SMC4: variants seen among roughly 807,000 people sequenced by gnomAD.
SMC4 encodes the protein structural maintenance of chromosomes 4.
Under a neutral mutation model 145.6 loss-of-function variants are expected in SMC4, and 87 were observed. The observed-to-expected ratio is 0.60, with a 90% CI of 0.50 to 0.71. The LOEUF (loss-of-function observed/expected upper bound fraction) is 0.71, where lower values mean the gene tolerates loss of function less well. Among genes scored for constraint, SMC4 ranks in the 30% least tolerant of loss-of-function variants. The probability of loss-of-function intolerance (pLI) is 0.00; values close to 1 mark genes in which losing one functional copy is unlikely to be tolerated. For synonymous variants in SMC4, 558 were observed against 500.7 expected, an observed-to-expected ratio of 1.11 and a Z score of -1.53; for missense variants, 1,447 against 1,537.1, an observed-to-expected ratio of 0.94 and a Z score of 0.98.
At position 160,401,912 on chromosome 3, in the gene SMC4, T is replaced by TA. The variant is rs1445032762; in HGVS notation, c.140-2dup. ...TCGTTTTCCTTTCCTTTCACTGACT[T>TA]AGAGACTGCAAGTGAGGAACTTGAT... On this transcript the variant is annotated splice_polypyrimidine_tract_variant and splice_region_variant and intron_variant, in intron 2 of 23. Transcript: ENST00000357388. 1.3e-6 allele frequency: 2 copies of TA among 1,599,536 alleles called. No homozygotes were observed. Among genetic ancestry groups the TA allele is most frequent in the Non-Finnish European group, 8.5e-7 (1 of 1,174,486 alleles).
At chr3:160,415,216 C>T (rs1280909161) in intron 9 of SMC4, among the ~76,000 whole-genome samples, 1 of 152,124 alleles carries the variant, frequency 6.6e-6, no homozygotes, top group Non-Finnish European at 1.5e-5. Context: ...TACAGAAAAT[C>T]CAAAATTAGC....
chr3:160,400,832 C>A lies in SMC4; in HGVS notation c.6C>A (p.Pro2=), dbSNP rs1247428981. ...GTCCCCCGGCCCCAGCGACCATGCC[C>A]CGTAAAGGCACCCAGCCCTCCACTG... The part of the protein sequence containing the change: M[P]RKGTQPSTAR... Residue 2 remains proline (P), a synonymous_variant, in exon 2 of 24, where the codon CCC becomes CCA. Coordinates refer to ENST00000357388, the MANE Select transcript of SMC4 (RefSeq NM_001002800.3). 2 of 1,537,492 alleles carry A rather than the reference C, an allele frequency of 1.3e-6. No individual in the cohort carries two copies. Among genetic ancestry groups the A allele is most frequent in the East Asian group, 2.7e-5 (1 of 37,482 alleles).
chr3:160,425,207 G>A (rs1717651996), intron 16 of SMC4, among the ~76,000 whole-genome samples, 188 bp downstream of exon 16: 1 of 152,144 alleles, frequency 6.6e-6, no homozygotes, highest in African/African-American at 2.4e-5. Flanking sequence ...CCCTGTCACA[G>A]TGTTGTTCCA....
Position 160,423,324 on chromosome 3 carries a change from T to A in SMC4, c.2020-101T>A. On this transcript the variant is annotated intron_variant, in intron 13 of 23. Transcript: ENST00000357388. ...GAACCTTTTGTGTATAATTCTTGTT[T>A]CTTTTGTTGAATTTATTCCTATGGG... is the stretch of plus-strand genomic sequence containing the variant. The A allele has an allele frequency of 5.8e-6, 5 of 868,794 alleles. No homozygotes were observed. The South Asian group carries it at 9.1e-5, about 16-fold the overall frequency. 53.8% of individuals were successfully genotyped at this position (868,794 alleles called of 1,614,324 possible).
intron 11 of SMC4, among the ~76,000 whole-genome samples, chr3:160,419,131 C>T (rs1716898136): frequency 6.6e-6 from 1 of 152,142 alleles, no homozygotes; most frequent in Non-Finnish European, 1.5e-5. Flanking sequence ...AATATTACAC[C>T]TAATGTTTTC....
Position 160,423,757 on chromosome 3 carries a change from C to T in SMC4, c.2246-4C>T, listed in dbSNP as rs1273997838. On this transcript the variant is annotated splice_polypyrimidine_tract_variant and splice_region_variant and intron_variant, in intron 14 of 23. Coordinates refer to ENST00000357388, the MANE Select transcript of SMC4 (RefSeq NM_001002800.3). ...GAAGCTGACTTCTCTCCCCTGTTTT[C>T]CAGGTACAATGACTGGTGGTGGAAG... The T allele has an allele frequency of 3.1e-6, 5 of 1,612,670 alleles. No homozygotes were observed. The highest frequency in any genetic ancestry group is 4.2e-6 in the Non-Finnish European group (5 of 1,179,396).
At chr3:160,400,506 A>G (rs1714443402) in intron 1 of SMC4, 1 of 239,700 alleles carries the variant, frequency 4.2e-6, no homozygotes, top group East Asian at 8.1e-5. Flanking sequence ...GCGTTAGCGA[A>G]TATTATACGC....
Position 160,434,544 on chromosome 3 carries a change from A to G in SMC4, c.*735A>G, listed in dbSNP as rs1038976050. ...AAATGCATTTCAACTTGATAGTTTCAACTTATGATAGGTTTACCAGGATGT... is the reference window on the plus strand; with the variant it reads ...AAATGCATTTCAACTTGATAGTTTCGACTTATGATAGGTTTACCAGGATGT... On this transcript the variant is annotated 3_prime_UTR_variant, in exon 24 of 24. Coordinates refer to ENST00000357388, the MANE Select transcript of SMC4 (RefSeq NM_001002800.3). The G allele has an allele frequency of 6.6e-6, 1 of 152,226 alleles. No individual in the cohort carries two copies. Among genetic ancestry groups the G allele is most frequent in the African/African-American group, 2.4e-5 (1 of 41,464 alleles). 9.4% of individuals were successfully genotyped at this position (152,226 alleles called of 1,614,324 possible).
In SMC4 at chr3:160,428,730, G is replaced by A. The variant is rs372455323; in HGVS notation, c.2606-23G>A. 558 of 1,556,256 alleles carry A rather than the reference G, an allele frequency of 3.6e-4. 3 individuals are homozygous for A. Among genetic ancestry groups the A allele is most frequent in the Non-Finnish European group, 4.5e-4 (523 of 1,162,696 alleles). On this transcript the variant is annotated intron_variant, in intron 17 of 23. Coordinates refer to ENST00000357388, the MANE Select transcript of SMC4 (RefSeq NM_001002800.3). The stretch of plus-strand genomic sequence containing the variant: ...TTCATTAGCATAAAAACACAAATTA[G>A]GTTCTTTATTTTTTAATTTCAGAAT...
In SMC4 at chr3:160,420,800, C is replaced by T; in HGVS notation, c.1918C>T (p.Leu640=). 1 of 1,613,992 alleles carries T rather than the reference C, an allele frequency of 6.2e-7. No individual in the cohort carries two copies. The highest frequency in any genetic ancestry group is 2.2e-5 in the East Asian group (1 of 44,868). The part of the protein sequence containing the change: ...DVAISSCCHA[L]DYIVVDSIDI... ...GGCTATATCATCCTGTTGTCATGCA[C>T]TGGACTACATTGTTGTTGATTCTAT... Residue 640 remains leucine (L), a synonymous_variant, in exon 13 of 24, where the codon CTG becomes TTG. Coordinates refer to ENST00000357388, the MANE Select transcript of SMC4 (RefSeq NM_001002800.3).
intron 18 of SMC4, among the ~76,000 whole-genome samples, 159 bp from the exon 19 acceptor site, chr3:160,430,440 C>T (rs1399891226): frequency 1.3e-5 from 2 of 151,988 alleles, no homozygotes; most frequent in Non-Finnish European, 2.9e-5. Context: ...TATAAACCTA[C>T]AAAAACTGAT....
intron 9 of SMC4, among the ~76,000 whole-genome samples, chr3:160,415,442 A>C (rs1038391638): frequency 2.0e-5 from 3 of 152,214 alleles, no homozygotes; most frequent in African/African-American, 7.2e-5. Flanking sequence ...ATTTAAACAG[A>C]TATGATACCT....
chr3:160,429,343 GTTT>G (rs1056963082), intron 18 of SMC4, among the ~76,000 whole-genome samples: 1 of 152,080 alleles, frequency 6.6e-6, no homozygotes, highest in East Asian at 1.9e-4. Context: ...TTACATTTTA[GTTT>G]TTATTTTTAT....
intron 17 of SMC4, among the ~76,000 whole-genome samples, chr3:160,427,716 C>A (rs1263087864): frequency 1.3e-5 from 2 of 152,172 alleles, no homozygotes; most frequent in Non-Finnish European, 2.9e-5. Flanking sequence ...ATATTTTCAA[C>A]TATTGAACAT....
At chr3:160,426,314 C>CATAT in intron 17 of SMC4, 114 bp downstream of exon 17, 1 of 784,180 alleles carries the variant, frequency 1.3e-6, no homozygotes, top group Non-Finnish European at 2.1e-6. Context: ...CAAGTCATTG[C>CATAT]ACTATTTTAT....
intron 13 of SMC4, among the ~76,000 whole-genome samples, 197 bp from the exon 14 acceptor site, chr3:160,423,228 A>G (rs1277427594): frequency 6.6e-6 from 1 of 152,150 alleles, no homozygotes; most frequent in African/African-American, 2.4e-5. Context: ...TTTAGATAGT[A>G]TAGGCATCTT....
chr3:160,423,013 C>T (rs1717351560), intron 13 of SMC4, among the ~76,000 whole-genome samples: 1 of 152,150 alleles, frequency 6.6e-6, no homozygotes, highest in African/African-American at 2.4e-5. Flanking sequence ...GTATAGGACA[C>T]TGTCTTGATT....
Position 160,433,053 on chromosome 3 carries a change from A to G in SMC4, c.3558A>G (p.Lys1186=), listed in dbSNP as rs1405221161. ...TTCGACCACCTAAGAAAAGTTGGAAAAAGATCTTCAACCTTTCGGGAGGAG... is the reference window on the plus strand; with the variant it reads ...TTCGACCACCTAAGAAAAGTTGGAAGAAGATCTTCAACCTTTCGGGAGGAG... ...FSVRPPKKSW[K]KIFNLSGGEK... The change falls in exon 23 of 24, where the codon AAA becomes AAG. Residue 1186 remains lysine (K), a synonymous_variant. Transcript: ENST00000357388. 1.2e-6 allele frequency: 2 copies of G among 1,613,322 alleles called. No homozygotes were observed. Among genetic ancestry groups the G allele is most frequent in the African/African-American group, 1.3e-5 (1 of 74,910 alleles).
intron 21 of SMC4, 53 bp from the exon 22 acceptor site, chr3:160,432,230 T>G: frequency 3.1e-6 from 4 of 1,309,650 alleles, no homozygotes; most frequent in East Asian, 2.3e-5. Flanking sequence ...ACAATGCTAA[T>G]TATCATATCA....
Sources: allele counts gnomAD v4.1 joint callset (sites outside exome capture counted in the v4.1 genomes callset), GRCh38; gene constraint gnomAD v4.1.1; transcripts MANE v1.5; gene names NCBI Gene and HGNC (gene_info 2026-07-23, HGNC 2026-07-21).